The following PRKG1 variants were observed in gnomAD, a reference collection of about 807,000 sequenced individuals.
PRKG1 encodes protein kinase cGMP-dependent 1, also known as cGMP-dependent protein kinase 1.
PRKG1 carries 35 observed loss-of-function variants against 88.1 expected under a neutral mutation model. The ratio of observed to expected loss-of-function variants is 0.40; its 90% CI spans 0.30 to 0.53. PRKG1 has a LOEUF of 0.53. Ranked by LOEUF, PRKG1 falls within the 20% of genes least tolerant of loss-of-function variation. PRKG1 has a pLI of 0.59. For synonymous variants in PRKG1, 303 were observed against 292.5 expected (o/e 1.04, Z -0.37); for missense variants, 540 against 839.8 (o/e 0.64, Z 4.41).
intron 2 of PRKG1, among the ~76,000 whole-genome samples, chr10:51,300,406 T>C (rs1222428134): frequency 6.6e-6 from 1 of 152,228 alleles, no homozygotes; most frequent in East Asian, 1.9e-4. Flanking sequence ...CATACCTTCA[T>C]GTGAATCTCA....
chr10:51,062,223 C>T (rs1843699917), intron 1 of PRKG1, among the ~76,000 whole-genome samples: 1 of 152,212 alleles, frequency 6.6e-6, no homozygotes, highest in South Asian at 2.1e-4. Flanking sequence ...TTTAGCCTCT[C>T]TGGAATTCAA....
At chr10:52,208,493 A>T (rs995835647) in intron 9 of PRKG1, among the ~76,000 whole-genome samples, 5 of 152,236 alleles carry the variant, frequency 3.3e-5, no homozygotes, top group Non-Finnish European at 5.9e-5. Context: ...ATCCTCCAGC[A>T]TCATACATCT....
At chr10:51,629,527 A>G (rs12248374) in intron 3 of PRKG1, among the ~76,000 whole-genome samples, 43,457 of 151,486 alleles carry the variant, frequency 0.29, 6,515 homozygotes, top group Admixed American at 0.37. Context: ...TCTCATTTTG[A>G]TTGCTGTCGC....
chr10:51,576,810 T>C (rs1837900847), intron 3 of PRKG1, among the ~76,000 whole-genome samples: 1 of 151,972 alleles, frequency 6.6e-6, no homozygotes, highest in Non-Finnish European at 1.5e-5. Flanking sequence ...CTAAATGTGA[T>C]AGTAATTTTT....
At chr10:51,141,893 A>G (rs1404090078) in intron 1 of PRKG1, among the ~76,000 whole-genome samples, 1 of 152,172 alleles carries the variant, frequency 6.6e-6, no homozygotes, top group Non-Finnish European at 1.5e-5. Flanking sequence ...GAAATATTAT[A>G]ATTTCTCTGA....
rs557550843 is a variant in PRKG1 at position 52,239,441 on chromosome 10, T to C, written c.1077-12129T>C. Reference sequence around the variant, plus strand: ...GATTAGATGTGTAGAGAAACTGCTATAATTTTTCATGTTTAAGGGAAAGCC... The same window carrying C: ...GATTAGATGTGTAGAGAAACTGCTACAATTTTTCATGTTTAAGGGAAAGCC... On this transcript the variant is annotated intron_variant, in intron 9 of 17. Coordinates refer to ENST00000373980, the MANE Select transcript of PRKG1 (RefSeq NM_006258.4). 6.1e-3 allele frequency among the ~76,000 whole-genome samples: 878 copies of C among 143,702 alleles called. 1 individual carries two copies. Among genetic ancestry groups the C allele is most frequent in the Non-Finnish European group, 0.01 (689 of 66,668 alleles). 94.3% of individuals were successfully genotyped at this position (143,702 alleles called of 152,430 possible).
intron 2 of PRKG1, among the ~76,000 whole-genome samples, chr10:51,403,280 A>G (rs1837808619): frequency 6.6e-6 from 1 of 152,208 alleles, no homozygotes. Context: ...TTCGAGCTAC[A>G]TATGGCATGT....
intron 2 of PRKG1, among the ~76,000 whole-genome samples, chr10:51,187,160 G>A (rs1837514026): frequency 6.6e-6 from 1 of 151,194 alleles, no homozygotes; most frequent in South Asian, 2.1e-4. Flanking sequence ...GATAATCTTG[G>A]CTTGGTATGA....
chr10:51,796,307 G>A lies in PRKG1; in HGVS notation c.593-8278G>A, dbSNP rs538171903. 2.6e-3 allele frequency among the ~76,000 whole-genome samples: 388 copies of A among 152,092 alleles called. 1 individual carries two copies. The highest frequency in any genetic ancestry group is 4.4e-3 in the Non-Finnish European group (299 of 67,960). ...TGATAACATTAAAACGTAAAGAGAA[G>A]CAAGTATAATGAATTTTACTAGTAA... On this transcript the variant is annotated intron_variant, in intron 3 of 17. Coordinates refer to ENST00000373980, the MANE Select transcript of PRKG1 (RefSeq NM_006258.4).
At chr10:52,271,584 C>T (rs1008757418) in intron 11 of PRKG1, 95 bp downstream of exon 11, 23 of 1,302,752 alleles carry the variant, frequency 1.8e-5, no homozygotes, top group East Asian at 1.7e-4. Flanking sequence ...TAACACATTT[C>T]GTATGCACAA....
intron 2 of PRKG1, among the ~76,000 whole-genome samples, chr10:51,376,480 G>A (rs1366792523): frequency 6.6e-6 from 1 of 151,950 alleles, no homozygotes; most frequent in African/African-American, 2.4e-5. Flanking sequence ...TTTTTATCTT[G>A]TTTGCTATTG....
At chr10:52,128,283 GA>G in intron 7 of PRKG1, 1 of 985,408 alleles carries the variant, frequency 1.0e-6, no homozygotes, top group Non-Finnish European at 1.2e-6. Flanking sequence ...CTCCAGAGCT[GA>G]AAAGGGAGAG....
chr10:51,404,088 A>G (rs1014862615), intron 2 of PRKG1, among the ~76,000 whole-genome samples: 2 of 152,200 alleles, frequency 1.3e-5, no homozygotes, highest in Non-Finnish European at 2.9e-5. Flanking sequence ...TAGTGCTGTT[A>G]GAGCCAAGAA....
At chr10:51,118,370 A>G (rs1368185911) in intron 1 of PRKG1, among the ~76,000 whole-genome samples, 1 of 152,218 alleles carries the variant, frequency 6.6e-6, no homozygotes, top group Non-Finnish European at 1.5e-5. Flanking sequence ...TTTTAATTAT[A>G]GAAAGTAAAT....
chr10:51,721,363 G>T (rs1434218983), intron 3 of PRKG1, among the ~76,000 whole-genome samples: 2 of 152,142 alleles, frequency 1.3e-5, no homozygotes, highest in African/African-American at 4.8e-5. Flanking sequence ...TCAAGGCAAA[G>T]AATTTGATTG....
At chr10:51,912,784 C>T (rs1318697525) in intron 5 of PRKG1, among the ~76,000 whole-genome samples, 3 of 151,834 alleles carry the variant, frequency 2.0e-5, no homozygotes, top group Non-Finnish European at 2.9e-5. Flanking sequence ...CCCCACCTAC[C>T]CCCTTCTGAA....
chr10:51,374,961 A>G (rs1842787927), intron 2 of PRKG1, among the ~76,000 whole-genome samples: 2 of 152,072 alleles, frequency 1.3e-5, no homozygotes, highest in Admixed American at 1.3e-4. Flanking sequence ...AGTTTACTTC[A>G]TCAAAGTCAG....
chr10:51,019,246 A>G (rs1843103990), intron 1 of PRKG1, among the ~76,000 whole-genome samples: 1 of 152,214 alleles, frequency 6.6e-6, no homozygotes, highest in Non-Finnish European at 1.5e-5. Flanking sequence ...ATTTTATATA[A>G]TAAAGATGGA....
chr10:52,022,097 G>T (rs1328742541), intron 5 of PRKG1, among the ~76,000 whole-genome samples: 1 of 152,166 alleles, frequency 6.6e-6, no homozygotes, highest in African/African-American at 2.4e-5. Flanking sequence ...ACTCTGAGTA[G>T]CAGTGCAGCT....
Sources: allele counts gnomAD v4.1 joint callset (sites outside exome capture counted in the v4.1 genomes callset), GRCh38; gene constraint gnomAD v4.1.1; transcripts MANE v1.5; gene names NCBI Gene and HGNC (gene_info 2026-07-23, HGNC 2026-07-21).